Variants in ITPK1 observed in about 807,000 individuals in gnomAD.
ITPK1 encodes inositol 1,3,4-trisphosphate 5/6-kinase.
ITPK1 carries 21 observed loss-of-function variants against 45.3 expected under a neutral mutation model. The ratio of observed to expected loss-of-function variants is 0.46; its 90% confidence interval spans 0.33 to 0.67. The LOEUF is 0.67. Ranked by LOEUF, ITPK1 falls within the 30% of genes least tolerant of loss-of-function variation. The pLI, the probability that ITPK1 is intolerant of heterozygous loss-of-function variation, is 0.02. For missense variants in ITPK1, 474 were observed against 573.5 expected (o/e 0.83, Z 1.77); for synonymous variants, 258 against 253.6 (o/e 1.02, Z -0.16).
chr14:93,108,273 T>A (rs1274998069), intron 2 of ITPK1, among the ~76,000 whole-genome samples: 2 of 152,232 alleles, frequency 1.3e-5, no homozygotes, highest in African/African-American at 2.4e-5. Flanking sequence ...GAATGCTACT[T>A]TTTAAAAGGG....
intron 3 of ITPK1, among the ~76,000 whole-genome samples, chr14:93,044,494 G>A (rs541912771): frequency 6.6e-6 from 1 of 152,354 alleles, no homozygotes; most frequent in African/African-American, 2.4e-5. Context: ...TGTGAAGCTG[G>A]TGAGGATGCT....
chr14:93,009,377 G>C (rs1887778171), intron 4 of ITPK1, among the ~76,000 whole-genome samples: 1 of 152,236 alleles, frequency 6.6e-6, no homozygotes, highest in Admixed American at 6.5e-5. Context: ...TGCTGGCTCA[G>C]AGCGCAGGCT....
chr14:92,973,400 C>A (rs1885756097), intron 5 of ITPK1, among the ~76,000 whole-genome samples: 1 of 152,244 alleles, frequency 6.6e-6, no homozygotes, highest in South Asian at 2.1e-4. Flanking sequence ...CCTGCAATCT[C>A]CCGCCTGGCC....
intron 3 of ITPK1, among the ~76,000 whole-genome samples, chr14:93,033,814 G>A (rs748884398): frequency 1.3e-4 from 20 of 152,188 alleles, no homozygotes; most frequent in Non-Finnish European, 2.2e-4. Context: ...TGGGTGTGTG[G>A]TGGGGCACAG....
intron 5 of ITPK1, among the ~76,000 whole-genome samples, chr14:92,990,107 T>G (rs576904945): frequency 8.6e-4 from 131 of 152,346 alleles, no homozygotes; most frequent in African/African-American, 3.0e-3. Context: ...GAATTGTAGC[T>G]GGGCATGTGG....
intron 3 of ITPK1, among the ~76,000 whole-genome samples, chr14:93,051,171 T>C (rs747866920): frequency 2.6e-5 from 4 of 152,176 alleles, no homozygotes; most frequent in Admixed American, 2.0e-4. Context: ...CCCACAGCTC[T>C]CTGCACATAC....
chr14:92,994,364 G>A (rs974843010), intron 4 of ITPK1, among the ~76,000 whole-genome samples: 4 of 152,290 alleles, frequency 2.6e-5, no homozygotes, highest in East Asian at 1.9e-4. Flanking sequence ...AGGCAGGGGC[G>A]GGAGAGTGGG....
At chr14:93,101,758 G>T (rs1472297266) in intron 2 of ITPK1, among the ~76,000 whole-genome samples, 1 of 152,220 alleles carries the variant, frequency 6.6e-6, no homozygotes, top group African/African-American at 2.4e-5. Context: ...GCTGAGGCAG[G>T]AGAATCGCTT....
chr14:93,048,563 CA>C (rs1281256362), intron 3 of ITPK1, among the ~76,000 whole-genome samples: 1 of 152,216 alleles, frequency 6.6e-6, no homozygotes, highest in Non-Finnish European at 1.5e-5. Flanking sequence ...GCTCACAAGA[CA>C]GCTGCCAAAG....
intron 2 of ITPK1, among the ~76,000 whole-genome samples, chr14:93,087,127 T>C (rs1322193016): frequency 6.6e-6 from 1 of 152,228 alleles, no homozygotes; most frequent in Non-Finnish European, 1.5e-5. Flanking sequence ...ATTATTCTCT[T>C]AGGGTTCTGA....
intron 7 of ITPK1, 66 bp downstream of exon 7, chr14:92,962,289 G>T: frequency 1.7e-6 from 2 of 1,153,884 alleles, no homozygotes; most frequent in Non-Finnish European, 2.6e-6. Context: ...CGGCAGGGTA[G>T]CAGTGAGACA....
Position 92,938,796 on chromosome 14 carries a change from T to TG in ITPK1, c.*2764dup. The TG allele has an allele frequency of 6.9e-6, 4 of 581,356 alleles. No homozygotes were observed. The highest frequency in any genetic ancestry group is 9.2e-6 in the Non-Finnish European group (3 of 327,132). The allele number at this position is 581,356 out of a possible 1,614,324, so 36.0% of individuals were successfully genotyped here. A position where few individuals can be genotyped will look rare whatever the true frequency, so the allele number is the denominator to read the frequency against. On this transcript the variant is annotated 3_prime_UTR_variant, in exon 11 of 11. Coordinates refer to ENST00000267615, the MANE Select transcript of ITPK1 (RefSeq NM_014216.6). ...GGACACCCAGCAGCTGGCACTCAGT[T>TG]GGGGGGTTATGTTTGCAGAATCACA...
intron 3 of ITPK1, among the ~76,000 whole-genome samples, chr14:93,029,830 G>C (rs531933282): frequency 6.6e-6 from 1 of 152,178 alleles, no homozygotes; most frequent in Non-Finnish European, 1.5e-5. Flanking sequence ...AGGCCCAAGA[G>C]AGTGGACAAG....
At chr14:93,092,250 C>G (rs770298688) in intron 2 of ITPK1, among the ~76,000 whole-genome samples, 1 of 152,216 alleles carries the variant, frequency 6.6e-6, no homozygotes, top group Non-Finnish European at 1.5e-5. Context: ...CACAGCCCCA[C>G]GCCAAAGATG....
chr14:92,938,854 C>T lies in ITPK1; in HGVS notation c.*2707G>A, dbSNP rs1179305345. The T allele has an allele frequency of 6.7e-6, 3 of 448,282 alleles. No individual in the cohort carries two copies. Among genetic ancestry groups the T allele is most frequent in the Non-Finnish European group, 1.2e-5 (3 of 247,906 alleles). The allele number at this position is 448,282 out of a possible 1,614,324, so 27.8% of individuals were successfully genotyped here. A position where few individuals can be genotyped will look rare whatever the true frequency, so the allele number is the denominator to read the frequency against. On this transcript the variant is annotated 3_prime_UTR_variant, in exon 11 of 11. Transcript: ENST00000267615. Reference sequence around the variant, plus strand: ...ATAATCAAAGCACTGTCAGGCAGAACTTGACCCACGGCCTCAGCCCCAGGG... The same window carrying T: ...ATAATCAAAGCACTGTCAGGCAGAATTTGACCCACGGCCTCAGCCCCAGGG...
Position 93,076,555 on chromosome 14 carries a change from C to G in ITPK1, c.120+40G>C, listed in dbSNP as rs1891226079. On this transcript the variant is annotated intron_variant, in intron 3 of 10. Coordinates refer to ENST00000267615, the MANE Select transcript of ITPK1 (RefSeq NM_014216.6). This position sits in a 1 kb window ranked among gnomAD's most constrained non-coding sequence, Gnocchi z 4.3. ...GACAGAGAGGTGGGCACCAAGGGCCCCACTACCCAAAGAACCACGGGGACG... is the reference window on the plus strand; with the variant it reads ...GACAGAGAGGTGGGCACCAAGGGCCGCACTACCCAAAGAACCACGGGGACG... 1.2e-6 allele frequency: 2 copies of G among 1,612,832 alleles called. No individual in the cohort carries two copies. Among genetic ancestry groups the G allele is most frequent in the Non-Finnish European group, 1.7e-6 (2 of 1,178,908 alleles).
intron 3 of ITPK1, among the ~76,000 whole-genome samples, chr14:93,072,391 T>C (rs894948045): frequency 6.6e-5 from 10 of 151,970 alleles, no homozygotes; most frequent in Admixed American, 6.6e-4. Context: ...TTTTGAAAAA[T>C]TATTTCATGA....
At chr14:93,025,243 C>T (rs761205766) in intron 3 of ITPK1, among the ~76,000 whole-genome samples, 4 of 152,132 alleles carry the variant, frequency 2.6e-5, no homozygotes, top group African/African-American at 4.8e-5. Flanking sequence ...CACCCCAACC[C>T]GGAAATCAAG....
chr14:93,011,366 C>A (rs934722896), intron 4 of ITPK1, among the ~76,000 whole-genome samples: 18 of 152,182 alleles, frequency 1.2e-4, no homozygotes, highest in Admixed American at 1.2e-3. Context: ...CAAACATCAC[C>A]CCCTCCCACC....
Sources: gnomAD v4.1 joint callset for allele counts (sites outside exome capture counted in the v4.1 genomes callset) on GRCh38, gnomAD v4.1.1 for gene constraint, Gnocchi (gnomAD v3.1) non-coding constraint, MANE v1.5 for transcripts, NCBI Gene and HGNC (gene_info 2026-07-23, HGNC 2026-07-21) for gene names.